RUNX2: variants seen among roughly 807,000 people sequenced by gnomAD.
RUNX2 encodes runt-related transcription factor 2.
In RUNX2, 10 loss-of-function variants were observed where a neutral mutation model predicts 51.7. The observed-to-expected ratio is 0.19, with a 90% CI of 0.12 to 0.33. RUNX2 has a LOEUF of 0.33. Among genes scored for constraint, RUNX2 ranks in the 10% least tolerant of loss-of-function variants. The pLI is 1.00. For missense variants in RUNX2, 562 were observed against 691.3 expected, an observed-to-expected ratio of 0.81 and a Z score of 2.10; for synonymous variants, 276 against 273.6, an observed-to-expected ratio of 1.01 and a Z score of -0.09.
chr6:45,388,592 A>G (rs1797407002), intron 2 of RUNX2, among the ~76,000 whole-genome samples: 1 of 152,242 alleles, frequency 6.6e-6, no homozygotes, highest in South Asian at 2.1e-4. Context: ...TAGAGCATCT[A>G]CAGAATTTGT....
At chr6:45,486,697 G>A (rs1003265666) in intron 5 of RUNX2, among the ~76,000 whole-genome samples, 1 of 152,126 alleles carries the variant, frequency 6.6e-6, no homozygotes, top group African/African-American at 2.4e-5. Flanking sequence ...ATTCTTCAGG[G>A]TGCGCTGACT....
intron 7 of RUNX2, among the ~76,000 whole-genome samples, 183 bp from the exon 8 acceptor site, chr6:45,545,034 C>G (rs539932551): frequency 1.3e-5 from 2 of 152,282 alleles, no homozygotes; most frequent in Non-Finnish European, 2.9e-5. Flanking sequence ...GCCTTAGAAG[C>G]TGCTCACTAG....
chr6:45,476,577 G>T (rs1582152114), intron 5 of RUNX2, among the ~76,000 whole-genome samples: 1 of 152,316 alleles, frequency 6.6e-6, no homozygotes, highest in Non-Finnish European at 1.5e-5. Context: ...TTGTCATGCA[G>T]TTGGGAGGGC....
chr6:45,355,392 ATTT>A (rs1296480188), intron 2 of RUNX2, among the ~76,000 whole-genome samples: 1 of 151,708 alleles, frequency 6.6e-6, no homozygotes, highest in African/African-American at 2.4e-5. Context: ...AAAATACTTC[ATTT>A]ATTATAGAAT....
intron 2 of RUNX2, among the ~76,000 whole-genome samples, chr6:45,363,199 T>G (rs903049487): frequency 1.3e-5 from 2 of 152,092 alleles, no homozygotes; most frequent in Non-Finnish European, 2.9e-5. Context: ...AGACAACAGA[T>G]AGATGAATAA....
rs1801628221 is a variant in RUNX2 at position 45,524,992 on chromosome 6, T to TC, written c.1021+12588dup. Among the ~76,000 whole-genome samples, 2 of 152,188 alleles carry TC rather than the reference T, an allele frequency of 1.3e-5. 1 individual carries two copies. The highest frequency in any genetic ancestry group is 4.1e-4 in the South Asian group (2 of 4,822). On this transcript the variant is annotated intron_variant, in intron 7 of 8. Transcript: ENST00000647337. Reference sequence around the variant, plus strand: ...TGGGTGTGGTGGCGCACGCCTGTAGTCCCAGCTACTTGGGAGGCTGAGGCA... The same window carrying TC: ...TGGGTGTGGTGGCGCACGCCTGTAGTCCCCAGCTACTTGGGAGGCTGAGGCA...
chr6:45,502,334 T>C (rs1800821105), intron 6 of RUNX2, among the ~76,000 whole-genome samples: 1 of 152,192 alleles, frequency 6.6e-6, no homozygotes, highest in South Asian at 2.1e-4. Context: ...TAAATCAAAA[T>C]AGGGTTCGGT....
At chr6:45,533,135 G>GGTGT (rs56014189) in intron 7 of RUNX2, among the ~76,000 whole-genome samples, 18 of 149,566 alleles carry the variant, frequency 1.2e-4, no homozygotes, top group African/African-American at 4.2e-4. Context: ...CCTCTGAAGG[G>GGTGT]GTGTGTGTGT....
At chr6:45,471,888 G>C (rs1563101356) in intron 5 of RUNX2, among the ~76,000 whole-genome samples, 2 of 152,086 alleles carry the variant, frequency 1.3e-5, no homozygotes, top group Non-Finnish European at 2.9e-5. Context: ...CCTTTGAAGG[G>C]CATATAGTAG....
chr6:45,384,399 C>G (rs1797305674), intron 2 of RUNX2, among the ~76,000 whole-genome samples: 1 of 152,034 alleles, frequency 6.6e-6, no homozygotes, highest in Non-Finnish European at 1.5e-5. Context: ...ATTCTTATGT[C>G]TCAGCCTCCT....
At position 45,334,613 on chromosome 6, in the gene RUNX2, G is replaced by A. The variant is rs571964300; in HGVS notation, c.58+5829G>A. Among the ~76,000 whole-genome samples the A allele has an allele frequency of 2.5e-3, 383 of 150,888 alleles. 1 individual carries two copies. The highest frequency in any genetic ancestry group is 6.9e-3 in the South Asian group (33 of 4,796). ...CATGAACACGATGTATTTTTACACC[G>A]AAACAAAATACGTGTCATATATGTT... On this transcript the variant is annotated intron_variant, in intron 2 of 8. Coordinates refer to ENST00000647337, the MANE Select transcript of RUNX2 (RefSeq NM_001024630.4).
intron 2 of RUNX2, among the ~76,000 whole-genome samples, chr6:45,371,443 C>T (rs1311096030): frequency 1.3e-5 from 2 of 149,574 alleles, no homozygotes; most frequent in Non-Finnish European, 3.0e-5. Context: ...TATTCTCCCT[C>T]TACCAATGAG....
intron 4 of RUNX2, among the ~76,000 whole-genome samples, chr6:45,435,507 G>A (rs1410507359): frequency 2.0e-5 from 3 of 152,040 alleles, no homozygotes; most frequent in Non-Finnish European, 4.4e-5. Flanking sequence ...ACAGGCGTGC[G>A]TCACCACGCC....
intron 2 of RUNX2, among the ~76,000 whole-genome samples, chr6:45,387,749 C>A (rs781720051): frequency 2.0e-5 from 3 of 152,116 alleles, no homozygotes; most frequent in Non-Finnish European, 2.9e-5. Flanking sequence ...GAAGAGTCAA[C>A]AAGGAACGTT....
intron 2 of RUNX2, among the ~76,000 whole-genome samples, chr6:45,345,271 T>C (rs953212691): frequency 2.0e-5 from 3 of 152,202 alleles, no homozygotes; most frequent in Non-Finnish European, 4.4e-5. Flanking sequence ...CATGCTCAAA[T>C]GACATGTTTT....
Position 45,422,951 on chromosome 6 carries a change from C to T in RUNX2, c.417C>T (p.Ala139=). 6.2e-7 allele frequency: 1 copy of T among 1,611,024 alleles called. No individual in the cohort carries two copies. Residue 139 remains alanine (A), a synonymous_variant, in exon 3 of 9, where the codon GCC becomes GCT. Transcript: ENST00000647337. The part of the protein sequence containing the change: ...HWRCNKTLPV[A]FKVVALGEVP... The stretch of plus-strand genomic sequence containing the variant: ...GCTGCAACAAGACCCTGCCCGTGGC[C>T]TTCAAGGTAAGAGGCTACACCGCCC...
intron 2 of RUNX2, among the ~76,000 whole-genome samples, chr6:45,399,349 C>CTT (rs398048486): frequency 0.048 from 2,729 of 57,394 alleles, 517 homozygotes; most frequent in Non-Finnish European, 0.075. Context: ...CTTTTCTTTC[C>CTT]TTTTTTTTTT....
chr6:45,477,000 T>C (rs1390407993), intron 5 of RUNX2, among the ~76,000 whole-genome samples: 1 of 152,142 alleles, frequency 6.6e-6, no homozygotes, highest in African/African-American at 2.4e-5. Flanking sequence ...GGGTATGGAA[T>C]GAATGAAGGA....
At chr6:45,531,745 CT>C (rs1337731293) in intron 7 of RUNX2, among the ~76,000 whole-genome samples, 6 of 149,814 alleles carry the variant, frequency 4.0e-5, no homozygotes, top group Admixed American at 4.0e-4. Flanking sequence ...GGGTGAGATT[CT>C]GTCTAAAAAA....
Sources: gnomAD v4.1 joint callset for allele counts (sites outside exome capture counted in the v4.1 genomes callset) on GRCh38, gnomAD v4.1.1 for gene constraint, MANE v1.5 for transcripts, NCBI Gene and HGNC (gene_info 2026-07-23, HGNC 2026-07-21) for gene names.